LRP4: variants seen among roughly 807,000 people sequenced by gnomAD.
LRP4 encodes low-density lipoprotein receptor-related protein 4.
In LRP4, 95 loss-of-function variants were observed where a neutral mutation model predicts 220.3. The ratio of observed to expected loss-of-function variants is 0.43; its 90% CI spans 0.37 to 0.51. The LOEUF is 0.51. Among genes scored for constraint, LRP4 ranks in the 20% least tolerant of loss-of-function variants. LRP4 has a pLI of 0.00. For missense variants in LRP4, 1,925 were observed against 2,567.0 expected (o/e 0.75, Z 5.40); for synonymous variants, 903 against 954.6 (o/e 0.95, Z 1.00).
chr11:46,912,453 T>C (rs1348054755), intron 1 of LRP4, among the ~76,000 whole-genome samples: 1 of 152,184 alleles, frequency 6.6e-6, no homozygotes, highest in East Asian at 1.9e-4. Flanking sequence ...GAGCCTGTAG[T>C]TGAAACTTAT....
Position 46,879,384 on chromosome 11 carries a change from A to G in LRP4, c.2815-69T>C, listed in dbSNP as rs985432599. On this transcript the variant is annotated intron_variant, in intron 20 of 37. Coordinates refer to ENST00000378623, the MANE Select transcript of LRP4 (RefSeq NM_002334.4). Reference sequence around the variant, plus strand: ...AGTACAGAGCAGTGGCAAAGAGCTCACTGTGGACTCAGAAAGCAGCTCTCC... The same window carrying G: ...AGTACAGAGCAGTGGCAAAGAGCTCGCTGTGGACTCAGAAAGCAGCTCTCC... The G allele has an allele frequency of 2.6e-6, 4 of 1,523,060 alleles. No individual in the cohort carries two copies. In the African/African-American group the frequency reaches 5.5e-5, roughly 21 times the overall value. 94.3% of individuals were successfully genotyped at this position (1,523,060 alleles called of 1,614,324 possible). A position where few individuals can be genotyped will look rare whatever the true frequency, so the allele number is the denominator to read the frequency against.
chr11:46,882,834 G>T (rs1665441169), intron 19 of LRP4, among the ~76,000 whole-genome samples: 1 of 151,800 alleles, frequency 6.6e-6, no homozygotes, highest in African/African-American at 2.4e-5. Flanking sequence ...TCCATCCTGG[G>T]CCACAGAGCA....
At chr11:46,878,435 G>A (rs1941070892) in intron 22 of LRP4, among the ~76,000 whole-genome samples, 1 of 151,778 alleles carries the variant, frequency 6.6e-6, no homozygotes, top group Non-Finnish European at 1.5e-5. Context: ...CACCATGCCT[G>A]GCTAATTTTT....
intron 12 of LRP4, among the ~76,000 whole-genome samples, chr11:46,893,953 G>A (rs1565795530): frequency 6.8e-6 from 1 of 146,676 alleles, no homozygotes; most frequent in Non-Finnish European, 1.5e-5. Flanking sequence ...GTACAATGGC[G>A]TGATCTCGGC....
rs1940397522 is a variant in LRP4 at position 46,857,021 on chromosome 11, CAG to C, written c.*1960_*1961del. On this transcript the variant is annotated 3_prime_UTR_variant, in exon 38 of 38. Coordinates refer to ENST00000378623, the MANE Select transcript of LRP4 (RefSeq NM_002334.4). ...GAGAATCGCTTCCATTAGTTTAGGA[CAG>C]AGAGATTTTGCTTTTTACAGAGTAA... 6.6e-6 allele frequency: 1 copy of C among 152,612 alleles called. No homozygotes were observed. The highest frequency in any genetic ancestry group is 1.5e-5 in the Non-Finnish European group (1 of 68,048). The allele number at this position is 152,612 out of a possible 1,614,324, so 9.5% of individuals were successfully genotyped here.
chr11:46,900,498 G>C, intron 2 of LRP4, 120 bp from the exon 3 acceptor site: 1 of 713,582 alleles, frequency 1.4e-6, no homozygotes, highest in Non-Finnish European at 2.5e-6. Context: ...TTGAGACCGA[G>C]TCTTACTCTG....
chr11:46,879,585 T>A (rs1235195876), intron 20 of LRP4, among the ~76,000 whole-genome samples: 1 of 152,212 alleles, frequency 6.6e-6, no homozygotes, highest in Non-Finnish European at 1.5e-5. Context: ...CTGGACAAAT[T>A]ACTTATTAAG....
At chr11:46,896,616 A>G (rs1293425616) in intron 8 of LRP4, among the ~76,000 whole-genome samples, 1 of 152,252 alleles carries the variant, frequency 6.6e-6, no homozygotes, top group African/African-American at 2.4e-5. Context: ...GGGGGCTGCC[A>G]GATGGAGGGT....
At chr11:46,903,761 C>T (rs1941711723) in intron 1 of LRP4, among the ~76,000 whole-genome samples, 1 of 152,246 alleles carries the variant, frequency 6.6e-6, no homozygotes, top group Non-Finnish European at 1.5e-5. Context: ...GAGCAGGAAG[C>T]AGGGTGGGCT....
intron 1 of LRP4, among the ~76,000 whole-genome samples, chr11:46,908,364 C>T (rs921536280): frequency 6.3e-4 from 96 of 152,142 alleles, no homozygotes; most frequent in African/African-American, 2.0e-3. Context: ...AAAGCAATTG[C>T]GGTTTTTGCC....
chr11:46,881,635 G>A, intron 20 of LRP4, 67 bp downstream of exon 20: 1 of 1,481,056 alleles, frequency 6.8e-7, no homozygotes, highest in East Asian at 2.3e-5. Flanking sequence ...TACTGTCCTG[G>A]AGGCTGTCAA....
intron 28 of LRP4, chr11:46,874,541 G>A: frequency 2.1e-6 from 1 of 480,872 alleles, no homozygotes; most frequent in Non-Finnish European, 3.8e-6. Flanking sequence ...AGATGTGAAA[G>A]TCTCCAGGTC....
At position 46,881,730 on chromosome 11, in the gene LRP4, A is replaced by C. The variant is rs1478018191; in HGVS notation, c.2786T>G (p.Phe929Cys). ...CCTCTTACTGCCATCCAGTCCAGCA[A>C]ATTCAATTGTCTTCATGCCGGCGTC... ...WADAGMKTIEFAGLDGSKRKV... is the reference protein window; with the variant it reads ...WADAGMKTIECAGLDGSKRKV... The change falls in exon 20 of 38, where the codon TTT becomes TGT. Residue 929 changes from phenylalanine to cysteine, a missense_variant. Coordinates refer to ENST00000378623, the MANE Select transcript of LRP4 (RefSeq NM_002334.4). 2 of 1,612,480 alleles carry C rather than the reference A, an allele frequency of 1.2e-6. No individual in the cohort carries two copies. The highest frequency in any genetic ancestry group is 2.7e-5 in the African/African-American group (2 of 74,814).
rs1941056245 is a variant in LRP4, at chr11:46,877,817, G to A, written c.3137-478C>T. ...TATCTATAAAATGGGGACAATAATG[G>A]GGTGGCTGTAAGGGTTAAAAGATCA... On this transcript the variant is annotated intron_variant, in intron 22 of 37. Transcript: ENST00000378623. Among the ~76,000 whole-genome samples, 4 of 152,124 alleles carry A rather than the reference G, an allele frequency of 2.6e-5. No individual in the cohort carries two copies. The South Asian group carries it at 8.3e-4, about 32-fold the overall frequency.
chr11:46,914,653 A>G lies in LRP4; in HGVS notation c.52+3675T>C, dbSNP rs77057527. ...TCTGGGGCCCAGATGCCCCATGTCC[A>G]GGCAACTGTGACAAAACTCGTGGCT... On this transcript the variant is annotated intron_variant, in intron 1 of 37. Transcript: ENST00000378623. 2.1e-3 allele frequency among the ~76,000 whole-genome samples: 326 copies of G among 152,332 alleles called. 1 individual carries two copies. The highest frequency in any genetic ancestry group is 7.1e-3 in the African/African-American group (296 of 41,574).
chr11:46,892,981 G>A lies in LRP4; in HGVS notation c.1689C>T (p.Pro563=), dbSNP rs1191684560. The change falls in exon 13 of 38, where the codon CCC becomes CCT. Residue 563 remains proline (P), a synonymous_variant. Transcript: ENST00000378623. ...LEKPRAIALH[P]MEGTIYWTDW... is the part of the protein sequence containing the mutation. ...CCTGAGATACAACTTACCCCTCCAT[G>A]GGATGCAAGGCAATGGCCCGGGGCT... The A allele has an allele frequency of 1.2e-6, 2 of 1,613,288 alleles. No homozygotes were observed. The highest frequency in any genetic ancestry group is 1.7e-5 in the Admixed American group (1 of 59,986).
At position 46,859,256 on chromosome 11, in the gene LRP4, G is replaced by A. The variant is rs775616459; in HGVS notation, c.5445C>T (p.Leu1815=). 8 of 1,614,014 alleles carry A rather than the reference G, an allele frequency of 5.0e-6. No homozygotes were observed. In the East Asian group the frequency reaches 6.7e-5, roughly 13 times the overall value. Residue 1815 remains leucine (L), a synonymous_variant, in exon 38 of 38, where the codon CTC becomes CTT. Transcript: ENST00000378623. ...CCCACTCAGCATCATCCCCAGACAG[G>A]AGGCAGATTCCCTCTACGATCTTGA... The part of the protein sequence containing the change: ...EKIKIVEGIC[L]LSGDDAEWDD...
chr11:46,899,621 A>T lies in LRP4; in HGVS notation c.431-118T>A, dbSNP rs1941623410. The stretch of plus-strand genomic sequence containing the variant: ...GGGTCTGACCTAGCCCCCGAAAGGC[A>T]CCCCAGAGTCAGTGCAGACTCTCCA... On this transcript the variant is annotated intron_variant, in intron 4 of 37. Coordinates refer to ENST00000378623, the MANE Select transcript of LRP4 (RefSeq NM_002334.4). The surrounding 1 kb of genome is among the most constrained non-coding windows in gnomAD (Gnocchi z 5.9). The T allele has an allele frequency of 1.2e-6, 1 of 813,858 alleles. No homozygotes were observed. Among genetic ancestry groups the T allele is most frequent in the African/African-American group, 1.7e-5 (1 of 60,108 alleles). 50.4% of individuals were successfully genotyped at this position (813,858 alleles called of 1,614,324 possible).
chr11:46,890,579 C>T lies in LRP4; in HGVS notation c.1698-85G>A. 1.1e-6 allele frequency: 1 copy of T among 926,288 alleles called. No individual in the cohort carries two copies. The highest frequency in any genetic ancestry group is 1.7e-6 in the Non-Finnish European group (1 of 584,672). 57.4% of individuals were successfully genotyped at this position (926,288 alleles called of 1,614,324 possible). On this transcript the variant is annotated intron_variant, in intron 13 of 37. Transcript: ENST00000378623. The surrounding 1 kb of genome is among the most constrained non-coding windows in gnomAD (Gnocchi z 5.3). ...AATAATCAGGTAGGGCGCTTTTATC[C>T]ATTTAACTCAGGGGACTCCAATGTT...
Sources: gnomAD v4.1 joint callset for allele counts (sites outside exome capture counted in the v4.1 genomes callset) on GRCh38, gnomAD v4.1.1 for gene constraint, Gnocchi (gnomAD v3.1) non-coding constraint, MANE v1.5 for transcripts, NCBI Gene and HGNC (gene_info 2026-07-23, HGNC 2026-07-21) for gene names.